The following RABGAP1L variants were observed in gnomAD, a reference collection of about 807,000 sequenced individuals.
RABGAP1L encodes rab GTPase-activating protein 1-like.
Under a neutral mutation model 137.7 loss-of-function variants are expected in RABGAP1L, and 63 were observed. The observed-to-expected ratio is 0.46, with a 90% CI of 0.37 to 0.56. RABGAP1L has a LOEUF of 0.56. Ranked by LOEUF, RABGAP1L falls within the 20% of genes least tolerant of loss-of-function variation. The pLI is 0.00. For missense variants in RABGAP1L, 1,095 were observed against 1,244.0 expected (o/e 0.88, Z 1.80); for synonymous variants, 431 against 433.7 (o/e 0.99, Z 0.08).
intron 23 of RABGAP1L, among the ~76,000 whole-genome samples, chr1:174,982,081 A>C (rs1472272522): frequency 2.6e-5 from 4 of 152,168 alleles, no homozygotes; most frequent in African/African-American, 9.7e-5. Flanking sequence ...CCTACTTAAT[A>C]AGAGTTTTAG....
At chr1:174,877,328 C>T (rs1325151646) in intron 19 of RABGAP1L, 11 of 1,351,790 alleles carry the variant, frequency 8.1e-6, no homozygotes, top group East Asian at 2.5e-5. Context: ...TGATAGCAGC[C>T]GCTTTTTTTT....
chr1:174,639,469 C>T (rs951541395), intron 14 of RABGAP1L, among the ~76,000 whole-genome samples: 1 of 152,044 alleles, frequency 6.6e-6, no homozygotes, highest in African/African-American at 2.4e-5. Flanking sequence ...TTAACACTGG[C>T]TTTTGTAAAG....
chr1:174,895,386 A>G (rs1423067339), intron 19 of RABGAP1L, among the ~76,000 whole-genome samples: 1 of 151,128 alleles, frequency 6.6e-6, no homozygotes, highest in African/African-American at 2.4e-5. Context: ...AATTCCACCC[A>G]GGGTGAAATG....
intron 19 of RABGAP1L, among the ~76,000 whole-genome samples, chr1:174,955,104 A>G (rs1668326323): frequency 6.6e-6 from 1 of 151,998 alleles, no homozygotes; most frequent in South Asian, 2.1e-4. Flanking sequence ...TTTCTATTGC[A>G]CTCTAGTTGG....
At chr1:174,693,725 GA>G (rs1219070038) in intron 15 of RABGAP1L, among the ~76,000 whole-genome samples, 1 of 152,110 alleles carries the variant, frequency 6.6e-6, no homozygotes, top group Non-Finnish European at 1.5e-5. Context: ...ATACAGTAGT[GA>G]AAAAAATAAA....
intron 23 of RABGAP1L, 92 bp from the exon 24 acceptor site, chr1:174,982,727 TCTAGGATCAGATGTG>T: frequency 8.8e-7 from 1 of 1,134,892 alleles, no homozygotes; most frequent in Non-Finnish European, 1.3e-6. Flanking sequence ...TAAAATTCCT[TCTAGGATCAGATGTG>T]CTAGCATAAC....
chr1:174,486,914 T>G (rs1030087983), intron 13 of RABGAP1L, among the ~76,000 whole-genome samples: 3 of 152,226 alleles, frequency 2.0e-5, no homozygotes, highest in Admixed American at 6.5e-5. Flanking sequence ...ACATATTGTT[T>G]AATTTCATGT....
chr1:174,310,325 T>A (rs1407144203), intron 11 of RABGAP1L, among the ~76,000 whole-genome samples: 1 of 152,206 alleles, frequency 6.6e-6, no homozygotes, highest in East Asian at 1.9e-4. Context: ...TACTTGATAC[T>A]ATTTCAGTCT....
At chr1:174,412,607 C>T (rs757130554) in intron 13 of RABGAP1L, among the ~76,000 whole-genome samples, 1 of 152,070 alleles carries the variant, frequency 6.6e-6, no homozygotes, top group Non-Finnish European at 1.5e-5. Flanking sequence ...ATCTTTCCTT[C>T]ATTTCCATGT....
intron 12 of RABGAP1L, among the ~76,000 whole-genome samples, chr1:174,379,477 T>C (rs1441015625): frequency 1.4e-5 from 2 of 138,326 alleles, no homozygotes; most frequent in Non-Finnish European, 1.5e-5. Flanking sequence ...CAGTGGTTTG[T>C]AGTTCTCCTT....
chr1:174,180,373 CAAT>C (rs1214022440), intron 1 of RABGAP1L, among the ~76,000 whole-genome samples: 1 of 152,182 alleles, frequency 6.6e-6, no homozygotes, highest in African/African-American at 2.4e-5. Context: ...AATAATGATA[CAAT>C]GATAGTGATG....
chr1:174,752,416 A>T, intron 18 of RABGAP1L, 62 bp downstream of exon 18: 1 of 1,227,078 alleles, frequency 8.1e-7, no homozygotes, highest in East Asian at 2.6e-5. Flanking sequence ...TTGGAACTGG[A>T]ATAATTCAAT....
At chr1:174,242,742 G>A (rs1194167261) in intron 5 of RABGAP1L, among the ~76,000 whole-genome samples, 2 of 152,166 alleles carry the variant, frequency 1.3e-5, no homozygotes, top group African/African-American at 4.8e-5. Context: ...GAAAGAAGTT[G>A]AAGTTTTGTG....
intron 19 of RABGAP1L, among the ~76,000 whole-genome samples, chr1:174,866,213 A>G (rs936929656): frequency 1.4e-5 from 2 of 143,570 alleles, no homozygotes; most frequent in Non-Finnish European, 3.0e-5. Context: ...CATAACGTTT[A>G]TTTTTTCTCC....
chr1:174,288,429 G>T (rs1676265626), intron 10 of RABGAP1L, among the ~76,000 whole-genome samples: 1 of 152,126 alleles, frequency 6.6e-6, no homozygotes, highest in African/African-American at 2.4e-5. Context: ...GTTTGTTGGG[G>T]AAAGTCTTTC....
At chr1:174,712,820 A>G (rs1177925861) in intron 17 of RABGAP1L, among the ~76,000 whole-genome samples, 2 of 152,148 alleles carry the variant, frequency 1.3e-5, no homozygotes, top group Non-Finnish European at 2.9e-5. Flanking sequence ...ACTTTGCGTC[A>G]TTCCATCAGT....
chr1:174,780,905 C>T (rs1686952513), intron 18 of RABGAP1L, among the ~76,000 whole-genome samples: 2 of 151,266 alleles, frequency 1.3e-5, no homozygotes, highest in Admixed American at 6.6e-5. Flanking sequence ...TGAACTCATC[C>T]TTTTTATGGC....
chr1:174,666,078 T>C (rs1202709369), intron 14 of RABGAP1L, among the ~76,000 whole-genome samples: 2 of 152,324 alleles, frequency 1.3e-5, no homozygotes, highest in East Asian at 3.9e-4. Context: ...TACTGAAAAT[T>C]AGGCTTTCCT....
At chr1:174,438,711 CTG>C (rs1204253382) in intron 13 of RABGAP1L, among the ~76,000 whole-genome samples, 1 of 128,424 alleles carries the variant, frequency 7.8e-6, no homozygotes, top group Non-Finnish European at 1.5e-5. Context: ...CAGCAAGACT[CTG>C]TCAAAAAAAA....
Sources: gnomAD v4.1 joint callset for allele counts (sites outside exome capture counted in the v4.1 genomes callset) on GRCh38, gnomAD v4.1.1 for gene constraint, MANE v1.5 for transcripts, NCBI Gene and HGNC (gene_info 2026-07-23, HGNC 2026-07-21) for gene names.